Variants in JMJD1C observed in about 807,000 individuals in gnomAD.
JMJD1C encodes the protein jumonji domain-containing protein 1C.
A neutral mutation model predicts 245.3 loss-of-function variants in JMJD1C; 31 were observed. The observed-to-expected ratio is 0.13, with a 90% CI of 0.09 to 0.17. JMJD1C has a LOEUF of 0.17. Among genes scored for constraint, JMJD1C ranks in the 10% least tolerant of loss-of-function variants. The pLI is 1.00. For synonymous variants in JMJD1C, 1,057 were observed against 1,017.4 expected, an observed-to-expected ratio of 1.04 and a Z score of -0.74; for missense variants, 2,691 against 3,000.2, an observed-to-expected ratio of 0.90 and a Z score of 2.41.
intron 1 of JMJD1C, among the ~76,000 whole-genome samples, chr10:63,495,800 A>G (rs970897624): frequency 1.3e-5 from 2 of 151,960 alleles, no homozygotes; most frequent in Non-Finnish European, 2.9e-5. Flanking sequence ...GAAAGAATGA[A>G]GCATTTATCC....
intron 2 of JMJD1C, among the ~76,000 whole-genome samples, chr10:63,286,787 GGA>G (rs1168610542): frequency 1.3e-5 from 2 of 152,134 alleles, no homozygotes; most frequent in African/African-American, 4.8e-5. Context: ...CAGCACCCTG[GGA>G]AAGTGGTAAT....
chr10:63,251,773 G>C (rs893112392), intron 3 of JMJD1C, among the ~76,000 whole-genome samples: 1 of 152,172 alleles, frequency 6.6e-6, no homozygotes, highest in South Asian at 2.1e-4. Context: ...CTTCCACTTG[G>C]GTGGCTGAGG....
chr10:63,179,634 A>G (rs2132841945), intron 22 of JMJD1C, among the ~76,000 whole-genome samples: 1 of 151,824 alleles, frequency 6.6e-6, no homozygotes, highest in East Asian at 2.0e-4. Flanking sequence ...TTAGCCAGGC[A>G]TGGTGGCGCC....
chr10:63,168,322 G>A (rs1182819446), intron 25 of JMJD1C, 113 bp downstream of exon 25: 40 of 1,118,574 alleles, frequency 3.6e-5, no homozygotes, highest in Non-Finnish European at 4.9e-5. Flanking sequence ...TTAATCTTTG[G>A]TTGTCACCCT....
Position 63,511,160 on chromosome 10 carries a change from C to T in JMJD1C, n.113+10578G>A, listed in dbSNP as rs569427468. ...CTGTCTTTTAATTGGTATATTTAAC[C>T]ACAGTGATTATTGATATAGTCTGGA... On this transcript the variant is annotated intron_variant and non_coding_transcript_variant, in intron 1 of 3. Transcript: ENST00000633035. Among the ~76,000 whole-genome samples the T allele has an allele frequency of 2.6e-5, 4 of 152,160 alleles. No homozygotes were observed. The South Asian group carries it at 8.3e-4, about 32-fold the overall frequency.
intron 1 of JMJD1C, among the ~76,000 whole-genome samples, chr10:63,416,033 A>G (rs1321948880): frequency 2.0e-5 from 3 of 152,206 alleles, no homozygotes; most frequent in African/African-American, 7.2e-5. Context: ...GAGGCTTTAA[A>G]GTGGATTCAT....
chr10:63,378,450 G>A (rs1169978215), intron 2 of JMJD1C, among the ~76,000 whole-genome samples: 1 of 151,958 alleles, frequency 6.6e-6, no homozygotes, highest in Non-Finnish European at 1.5e-5. Context: ...AAATTAACCG[G>A]GCGTGGTGGC....
intron 2 of JMJD1C, chr10:63,269,352 C>A: frequency 3.5e-6 from 1 of 286,806 alleles, no homozygotes; most frequent in Non-Finnish European, 5.2e-6. Context: ...ACTCATTTGG[C>A]TGCGGCCATA....
intron 1 of JMJD1C, among the ~76,000 whole-genome samples, chr10:63,396,629 T>C (rs189131181): frequency 8.5e-5 from 13 of 152,250 alleles, no homozygotes; most frequent in Admixed American, 7.2e-4. Flanking sequence ...CTGTGGTAAA[T>C]CTTGGGTCCC....
intron 2 of JMJD1C, among the ~76,000 whole-genome samples, chr10:63,291,432 T>G (rs996116646): frequency 8.1e-5 from 12 of 148,786 alleles, no homozygotes; most frequent in African/African-American, 1.2e-4. Flanking sequence ...CTGGCCAACA[T>G]GTAAAACCCC....
intron 1 of JMJD1C, among the ~76,000 whole-genome samples, chr10:63,384,176 G>A (rs1237261937): frequency 1.3e-5 from 2 of 152,122 alleles, no homozygotes; most frequent in Non-Finnish European, 2.9e-5. Context: ...TCAAGCTCTA[G>A]TTTTGATTAC....
chr10:63,169,804 G>A (rs1842182798), intron 24 of JMJD1C, among the ~76,000 whole-genome samples: 1 of 152,186 alleles, frequency 6.6e-6, no homozygotes, highest in Non-Finnish European at 1.5e-5. Context: ...TCTTCATAAT[G>A]TGTCTGTAGA....
At chr10:63,457,788 A>G (rs1459467362) in intron 1 of JMJD1C, among the ~76,000 whole-genome samples, 3 of 152,214 alleles carry the variant, frequency 2.0e-5, no homozygotes, top group African/African-American at 7.2e-5. Flanking sequence ...ACAGATTTGA[A>G]ATCAGAAATC....
At chr10:63,273,705 A>G (rs994314787) in intron 2 of JMJD1C, among the ~76,000 whole-genome samples, 1 of 152,168 alleles carries the variant, frequency 6.6e-6, no homozygotes, top group Non-Finnish European at 1.5e-5. Context: ...AAACCAGGCT[A>G]GGGGAAGAGG....
intron 3 of JMJD1C, among the ~76,000 whole-genome samples, chr10:63,233,091 C>A (rs755303490): frequency 6.6e-6 from 1 of 152,094 alleles, no homozygotes; most frequent in Non-Finnish European, 1.5e-5. Flanking sequence ...AGAAAAGTGA[C>A]TCTGACCTGA....
rs569469777 is a variant in JMJD1C at position 63,453,486 on chromosome 10, C to T, written c.168+12009G>A. ...GATATATGGAATATAACAGATAGTC[C>T]ACAAATATTCCTAAAATATAGCAAA... is the stretch of plus-strand genomic sequence containing the variant. On this transcript the variant is annotated intron_variant, in intron 1 of 25. Transcript: ENST00000399262. Among the ~76,000 whole-genome samples, 12 of 152,082 alleles carry T rather than the reference C, an allele frequency of 7.9e-5. No individual in the cohort carries two copies. The South Asian group carries it at 2.3e-3, about 29-fold the overall frequency.
intron 9 of JMJD1C, 105 bp from the exon 10 acceptor site, chr10:63,208,906 G>A: frequency 9.5e-7 from 1 of 1,056,932 alleles, no homozygotes; most frequent in Non-Finnish European, 1.3e-6. Context: ...AGACATCTTT[G>A]CATGTACTCT....
intron 1 of JMJD1C, among the ~76,000 whole-genome samples, chr10:63,482,815 T>C (rs998428420): frequency 6.6e-6 from 1 of 152,146 alleles, no homozygotes; most frequent in African/African-American, 2.4e-5. Flanking sequence ...TGCGTGGGGA[T>C]CACATAATGA....
intron 2 of JMJD1C, among the ~76,000 whole-genome samples, chr10:63,378,295 G>T (rs1015330657): frequency 1.3e-5 from 2 of 151,934 alleles, no homozygotes; most frequent in Non-Finnish European, 2.9e-5. Flanking sequence ...TTGCCTTTAA[G>T]AAAGGGCAAA....
Sources: allele counts gnomAD v4.1 joint callset (sites outside exome capture counted in the v4.1 genomes callset), GRCh38; gene constraint gnomAD v4.1.1; transcripts MANE v1.5; gene names NCBI Gene and HGNC (gene_info 2026-07-23, HGNC 2026-07-21).